DOCK5: variants seen among roughly 807,000 people sequenced by gnomAD.
The protein encoded by DOCK5 is dedicator of cytokinesis 5.
In DOCK5, 142 loss-of-function variants were observed where a neutral mutation model predicts 251.8. The ratio of observed to expected loss-of-function variants is 0.56; its 90% CI spans 0.49 to 0.65. DOCK5 has a LOEUF of 0.65. Among genes scored for constraint, DOCK5 ranks in the 30% least tolerant of loss-of-function variants. DOCK5 has a pLI of 0.00. For synonymous variants in DOCK5, 842 were observed against 835.5 expected, an observed-to-expected ratio of 1.01 and a Z score of -0.13; for missense variants, 2,111 against 2,312.3, an observed-to-expected ratio of 0.91 and a Z score of 1.79.
chr8:25,192,017 G>A (rs1801595327), intron 1 of DOCK5, among the ~76,000 whole-genome samples: 1 of 150,340 alleles, frequency 6.7e-6, no homozygotes. Context: ...AACATGCAGT[G>A]TTTGGTTTTT....
In DOCK5 at chr8:25,391,197, CTGTGTGTGTGTGTG is replaced by C. The variant is rs760981712; in HGVS notation, c.4356-659_4356-646del. 8.5e-3 allele frequency among the ~76,000 whole-genome samples: 194 copies of C among 22,916 alleles called. 1 individual carries two copies. The highest frequency in any genetic ancestry group is 0.056 in the Middle Eastern group (1 of 18). The allele number at this position is 22,916 out of a possible 152,430, so 15.0% of individuals were successfully genotyped here. A position where few individuals can be genotyped will look rare whatever the true frequency, so the allele number is the denominator to read the frequency against. On this transcript the variant is annotated intron_variant, in intron 42 of 51. Coordinates refer to ENST00000276440, the MANE Select transcript of DOCK5 (RefSeq NM_024940.8). ...GTAGCTGGGACATACACCACCACAC[CTGTGTGTGTGTGTG>C]TGTGTGTGTGTGTGTGTGTGTGTGT... is the stretch of plus-strand genomic sequence containing the variant.
At chr8:25,310,113 C>T (rs1264057537) in intron 12 of DOCK5, among the ~76,000 whole-genome samples, 2 of 151,484 alleles carry the variant, frequency 1.3e-5, no homozygotes, top group Admixed American at 6.6e-5. Context: ...TCTTTTTTAC[C>T]CCTAGGATCA....
At chr8:25,248,374 C>T (rs535426049) in intron 2 of DOCK5, among the ~76,000 whole-genome samples, 2 of 152,174 alleles carry the variant, frequency 1.3e-5, no homozygotes, top group African/African-American at 4.8e-5. Context: ...TCTCCTAGTC[C>T]CTCTTAACTT....
intron 12 of DOCK5, 95 bp from the exon 13 acceptor site, chr8:25,310,312 T>G: frequency 7.7e-7 from 1 of 1,293,028 alleles, no homozygotes; most frequent in Non-Finnish European, 1.0e-6. Flanking sequence ...ACAGTAAGGT[T>G]GTGACTATAC....
chr8:25,207,690 A>G (rs1054000822), intron 1 of DOCK5, among the ~76,000 whole-genome samples: 23 of 152,214 alleles, frequency 1.5e-4, no homozygotes, highest in African/African-American at 5.3e-4. Flanking sequence ...TTGATTCAAA[A>G]TATTACTGCC....
At chr8:25,407,894 A>G in intron 48 of DOCK5, 89 bp from the exon 49 acceptor site, 1 of 1,306,816 alleles carries the variant, frequency 7.7e-7, no homozygotes. Flanking sequence ...AAATAGCCTA[A>G]AGAGTCATAA....
At chr8:25,375,038 A>C in intron 37 of DOCK5, 1 of 1,040,578 alleles carries the variant, frequency 9.6e-7, no homozygotes, top group Non-Finnish European at 1.2e-6. Context: ...CCCTAAATAA[A>C]TGTATGTTGT....
At chr8:25,387,824 T>C (rs1801190879) in intron 40 of DOCK5, among the ~76,000 whole-genome samples, 1 of 152,176 alleles carries the variant, frequency 6.6e-6, no homozygotes, top group Non-Finnish European at 1.5e-5. Context: ...TCTATGCCCA[T>C]CTAAGGCCCA....
At chr8:25,258,647 A>G (rs1022365769) in intron 2 of DOCK5, among the ~76,000 whole-genome samples, 12 of 152,212 alleles carry the variant, frequency 7.9e-5, no homozygotes, top group African/African-American at 2.9e-4. Context: ...AGACCCTGCT[A>G]TCCAAGTGTG....
intron 27 of DOCK5, among the ~76,000 whole-genome samples, chr8:25,356,366 A>C (rs1800568878): frequency 1.3e-5 from 2 of 152,086 alleles, no homozygotes; most frequent in Admixed American, 1.3e-4. Flanking sequence ...TTATTTAGAA[A>C]ATTAGTTAAC....
At chr8:25,398,715 C>G (rs1313913382) in intron 45 of DOCK5, among the ~76,000 whole-genome samples, 1 of 152,186 alleles carries the variant, frequency 6.6e-6, no homozygotes, top group Non-Finnish European at 1.5e-5. Context: ...ACTTCTGTCT[C>G]CAAATTTCCC....
rs1180956501 is a variant in DOCK5, at chr8:25,366,977, GT to G, written c.3224+8del. 2 of 1,610,974 alleles carry G rather than the reference GT, an allele frequency of 1.2e-6. No individual in the cohort carries two copies. The highest frequency in any genetic ancestry group is 1.7e-6 in the Non-Finnish European group (2 of 1,177,510). On this transcript the variant is annotated splice_region_variant and intron_variant, in intron 31 of 51. Coordinates refer to ENST00000276440, the MANE Select transcript of DOCK5 (RefSeq NM_024940.8). ...GCAACAAAATTGTTAAAAAGTAAGT[GT>G]CCTTTTAAAGTTAAGATCGGGAAGG...
chr8:25,192,161 C>T (rs1801598497), intron 1 of DOCK5, among the ~76,000 whole-genome samples: 2 of 151,408 alleles, frequency 1.3e-5, no homozygotes, highest in African/African-American at 4.9e-5. Flanking sequence ...TTTCTTAATC[C>T]AGTCTATCAC....
Position 25,363,028 on chromosome 8 carries a change from A to C in DOCK5, c.2950-19A>C, listed in dbSNP as rs372459883. 5.0e-5 allele frequency: 81 copies of C among 1,604,218 alleles called. 1 individual carries two copies. The African/African-American group carries it at 9.1e-4, about 18-fold the overall frequency. ...AACGTAACCCAGTTTTCCCCCAACC[A>C]CTCCTCTGTTCTCCGCAGGACTTCC... On this transcript the variant is annotated intron_variant, in intron 28 of 51. Transcript: ENST00000276440.
In DOCK5 at chr8:25,389,235, A is replaced by ATCCT. The variant is rs1451164301; in HGVS notation, c.4273+5_4273+8dup. ...CATCAAGTCGTCCCCCAAGCAGTGT[A>ATCCT]TCCTTTCCGGGGGGAGTATGGCCCC... is the stretch of plus-strand genomic sequence containing the variant. On this transcript the variant is annotated splice_donor_region_variant and intron_variant, in intron 41 of 51. Coordinates refer to ENST00000276440, the MANE Select transcript of DOCK5 (RefSeq NM_024940.8). 6.2e-7 allele frequency: 1 copy of ATCCT among 1,612,844 alleles called. No homozygotes were observed. The highest frequency in any genetic ancestry group is 1.1e-5 in the South Asian group (1 of 91,050).
At chr8:25,376,367 T>C (rs1800963659) in intron 37 of DOCK5, 1 of 985,090 alleles carries the variant, frequency 1.0e-6, no homozygotes, top group Admixed American at 6.1e-5. Context: ...TGGTATAAGA[T>C]CCCATCTTTA....
chr8:25,354,034 AAAAAAAAAAAAAAACAAAC>A (rs1482974406), intron 27 of DOCK5, among the ~76,000 whole-genome samples: 3 of 21,574 alleles, frequency 1.4e-4, no homozygotes, highest in Non-Finnish European at 5.6e-4. Flanking sequence ...TCTTAAAAAA[AAAAAAAAAAAAAAACAAAC>A]AAAAAAAAAA....
intron 1 of DOCK5, among the ~76,000 whole-genome samples, chr8:25,202,929 C>T (rs555707186): frequency 1.3e-5 from 2 of 152,198 alleles, no homozygotes; most frequent in South Asian, 2.1e-4. Context: ...TACCTGAAGC[C>T]ACAGAAGGTG....
intron 2 of DOCK5, among the ~76,000 whole-genome samples, chr8:25,245,714 A>G (rs1803085428): frequency 6.6e-6 from 1 of 151,814 alleles, no homozygotes; most frequent in Non-Finnish European, 1.5e-5. Context: ...TAATTTTTGT[A>G]TTGTTAGTAG....
Sources: gnomAD v4.1 joint callset for allele counts (sites outside exome capture counted in the v4.1 genomes callset) on GRCh38, gnomAD v4.1.1 for gene constraint, MANE v1.5 for transcripts, NCBI Gene and HGNC (gene_info 2026-07-23, HGNC 2026-07-21) for gene names.